OSBPL1A: variants seen among roughly 807,000 people sequenced by gnomAD.
The protein encoded by OSBPL1A is oxysterol binding protein like 1A, also known as oxysterol-binding protein-related protein 1.
A neutral mutation model predicts 137.1 loss-of-function variants in OSBPL1A; 80 were observed. The observed-to-expected ratio is 0.58, with a 90% CI of 0.49 to 0.70. The LOEUF (loss-of-function observed/expected upper bound fraction) is 0.70, where lower values mean the gene tolerates loss of function less well. Ranked by LOEUF, OSBPL1A falls within the 30% of genes least tolerant of loss-of-function variation. The probability of loss-of-function intolerance (pLI) is 0.00; values close to 1 mark genes in which losing one functional copy is unlikely to be tolerated. For missense variants in OSBPL1A, 970 were observed against 1,129.4 expected (o/e 0.86, Z 2.02); for synonymous variants, 365 against 389.7 (o/e 0.94, Z 0.75).
At chr18:24,232,283 G>A (rs2088306863) in intron 16 of OSBPL1A, among the ~76,000 whole-genome samples, 1 of 152,190 alleles carries the variant, frequency 6.6e-6, no homozygotes, top group Admixed American at 6.5e-5. Flanking sequence ...GGGCTGCCAA[G>A]AGACTGCTGC....
chr18:24,363,658 T>G (rs866838590), intron 4 of OSBPL1A, among the ~76,000 whole-genome samples: 1 of 151,776 alleles, frequency 6.6e-6, no homozygotes, highest in South Asian at 2.1e-4. Flanking sequence ...CTTTCTTTCT[T>G]TCTTATAGGG....
intron 4 of OSBPL1A, among the ~76,000 whole-genome samples, chr18:24,349,711 C>G (rs1233422918): frequency 1.4e-5 from 2 of 142,314 alleles, no homozygotes; most frequent in African/African-American, 5.3e-5. Flanking sequence ...TGAGAGTGAT[C>G]CCTTGCAAAA....
intron 7 of OSBPL1A, 128 bp from the exon 8 acceptor site, chr18:24,318,937 T>C: frequency 1.3e-6 from 1 of 796,824 alleles, no homozygotes; most frequent in Non-Finnish European, 2.0e-6. Context: ...CCCCAGAAAA[T>C]TACCTACCAG....
intron 1 of OSBPL1A, among the ~76,000 whole-genome samples, chr18:24,395,161 A>T (rs1008056936): frequency 2.0e-5 from 3 of 152,242 alleles, no homozygotes; most frequent in African/African-American, 7.2e-5. Context: ...TCCTCTTTCT[A>T]GGAAATTCAG....
In OSBPL1A at chr18:24,331,818, A is replaced by G. The variant is rs532035607; in HGVS notation, c.625+1124T>C. On this transcript the variant is annotated intron_variant, in intron 7 of 27. Coordinates refer to ENST00000319481, the MANE Select transcript of OSBPL1A (RefSeq NM_080597.4). ...CATTATATACGTATTCCATATTTGC[A>G]TATCTGGCTATTGCTAAAATTCACT... is the stretch of plus-strand genomic sequence containing the variant. Among the ~76,000 whole-genome samples the G allele has an allele frequency of 3.3e-5, 5 of 152,268 alleles. No homozygotes were observed. The South Asian group carries it at 8.3e-4, about 25-fold the overall frequency.
intron 7 of OSBPL1A, among the ~76,000 whole-genome samples, chr18:24,321,004 G>A (rs1352458402): frequency 1.4e-5 from 2 of 143,130 alleles, no homozygotes; most frequent in Non-Finnish European, 3.0e-5. Context: ...CTCCAGCCTG[G>A]GGAACAAGAG....
chr18:24,238,656 G>C (rs1402006661), intron 16 of OSBPL1A, among the ~76,000 whole-genome samples: 1 of 152,210 alleles, frequency 6.6e-6, no homozygotes, highest in Non-Finnish European at 1.5e-5. Flanking sequence ...CAGCTGGCTA[G>C]TGACAGAAGC....
At chr18:24,321,393 C>T (rs1204686533) in intron 7 of OSBPL1A, among the ~76,000 whole-genome samples, 1 of 152,168 alleles carries the variant, frequency 6.6e-6, no homozygotes, top group Non-Finnish European at 1.5e-5. Flanking sequence ...ACCTCTTGGG[C>T]TCAAGTGATC....
intron 18 of OSBPL1A, among the ~76,000 whole-genome samples, chr18:24,183,844 TAC>T (rs2086675091): frequency 6.6e-6 from 1 of 152,212 alleles, no homozygotes; most frequent in Non-Finnish European, 1.5e-5. Flanking sequence ...GTAAAGTACA[TAC>T]ATCGAGTCTT....
At chr18:24,319,830 G>A (rs2090810238) in intron 7 of OSBPL1A, among the ~76,000 whole-genome samples, 2 of 152,076 alleles carry the variant, frequency 1.3e-5, no homozygotes, top group African/African-American at 2.4e-5. Flanking sequence ...TGTTTATGCA[G>A]GAAGGTGATA....
At chr18:24,283,932 A>C (rs1340739344) in intron 14 of OSBPL1A, among the ~76,000 whole-genome samples, 1 of 152,190 alleles carries the variant, frequency 6.6e-6, no homozygotes, top group East Asian at 1.9e-4. Context: ...GCAAGGTTTC[A>C]AAAAATATTC....
Position 24,162,487 on chromosome 18 carries a change from AAACTT to A in OSBPL1A, c.*687_*691del, listed in dbSNP as rs1320239405. On this transcript the variant is annotated 3_prime_UTR_variant, in exon 28 of 28. Transcript: ENST00000319481. Reference sequence around the variant, plus strand: ...TTATACATATTTTCAGTTCAAATGTAAACTTAACCATTTTAATGATACTGACTGCA... The same window carrying A: ...TTATACATATTTTCAGTTCAAATGTAAACCATTTTAATGATACTGACTGCA... 2.0e-5 allele frequency: 3 copies of A among 152,252 alleles called. No homozygotes were observed. The highest frequency in any genetic ancestry group is 7.2e-5 in the African/African-American group (3 of 41,466). The allele number at this position is 152,252 out of a possible 1,614,324, so 9.4% of individuals were successfully genotyped here. A position where few individuals can be genotyped will look rare whatever the true frequency, so the allele number is the denominator to read the frequency against.
At chr18:24,233,254 T>C (rs1043864815) in intron 16 of OSBPL1A, among the ~76,000 whole-genome samples, 26 of 152,088 alleles carry the variant, frequency 1.7e-4, no homozygotes, top group African/African-American at 6.3e-4. Flanking sequence ...GTACCTTTAG[T>C]TTTCTCTCCT....
At chr18:24,389,799 A>T (rs966762657) in intron 1 of OSBPL1A, among the ~76,000 whole-genome samples, 1 of 152,004 alleles carries the variant, frequency 6.6e-6, no homozygotes, top group Non-Finnish European at 1.5e-5. Flanking sequence ...AAACTTAGCC[A>T]GGTATGGTGG....
chr18:24,315,865 GTATATATTATATAATAA>G (rs2090724397), intron 11 of OSBPL1A, among the ~76,000 whole-genome samples: 1 of 67,860 alleles, frequency 1.5e-5, no homozygotes, highest in African/African-American at 6.7e-5. Context: ...ATAATATATA[GTATATATTATATAATAA>G]AATATATTAA....
chr18:24,221,433 G>A (rs2145982234), intron 17 of OSBPL1A, among the ~76,000 whole-genome samples: 1 of 152,266 alleles, frequency 6.6e-6, no homozygotes, highest in South Asian at 2.1e-4. Context: ...ATTTATTACA[G>A]AAGGCTTTAT....
Position 24,328,218 on chromosome 18 carries a change from A to ATTTT in OSBPL1A, c.625+4720_625+4723dup, listed in dbSNP as rs564798076. On this transcript the variant is annotated intron_variant, in intron 7 of 27. Transcript: ENST00000319481. Reference sequence around the variant, plus strand: ...CCACCACGCCCGGCTAATTTTTTGTATTTTTTTTTTTTTTTTTTTTTTTTT... The same window carrying ATTTT: ...CCACCACGCCCGGCTAATTTTTTGTATTTTTTTTTTTTTTTTTTTTTTTTTTTTT... 3.4e-3 allele frequency among the ~76,000 whole-genome samples: 167 copies of ATTTT among 48,610 alleles called. 8 individuals carry two copies. Among genetic ancestry groups the ATTTT allele is most frequent in the African/African-American group, 0.013 (131 of 9,726 alleles). 31.9% of individuals were successfully genotyped at this position (48,610 alleles called of 152,430 possible).
intron 6 of OSBPL1A, among the ~76,000 whole-genome samples, chr18:24,333,379 G>T (rs1352407864): frequency 6.6e-6 from 1 of 152,166 alleles, no homozygotes; most frequent in Non-Finnish European, 1.5e-5. Flanking sequence ...ATTTCACAAT[G>T]ATTTACATGC....
rs2088039244 is a variant in OSBPL1A, at chr18:24,225,305, C to A, written c.1445-107G>T. 12 of 1,171,928 alleles carry A rather than the reference C, an allele frequency of 1.0e-5. No individual in the cohort carries two copies. In the South Asian group the frequency reaches 1.4e-4, roughly 14 times the overall value. The allele number at this position is 1,171,928 out of a possible 1,614,324, so 72.6% of individuals were successfully genotyped here. On this transcript the variant is annotated intron_variant, in intron 16 of 27. Transcript: ENST00000319481. ...CAGGCTTTGAAACCTAAGCAGCCTA[C>A]TTTGTCCCTCAACAATCCATCTGTT...
Sources: allele counts gnomAD v4.1 joint callset (sites outside exome capture counted in the v4.1 genomes callset), GRCh38; gene constraint gnomAD v4.1.1; transcripts MANE v1.5; gene names NCBI Gene and HGNC (gene_info 2026-07-23, HGNC 2026-07-21).